Variants in NELL1 observed in about 807,000 individuals in gnomAD.
The protein encoded by NELL1 is neural EGFL like 1, also known as protein kinase C-binding protein NELL1.
NELL1 carries 76 observed loss-of-function variants against 107.4 expected under a neutral mutation model. The observed-to-expected ratio is 0.71, with a 90% CI of 0.59 to 0.86. NELL1 has a LOEUF of 0.86. Among genes scored for constraint, NELL1 ranks in the 40% least tolerant of loss-of-function variants. The pLI, the probability that NELL1 is intolerant of heterozygous loss-of-function variation, is 0.00. For missense variants in NELL1, 1,024 were observed against 1,005.5 expected (o/e 1.02, Z -0.25); for synonymous variants, 353 against 341.2 (o/e 1.03, Z -0.38).
chr11:21,359,189 G>A (rs578120073), intron 14 of NELL1, among the ~76,000 whole-genome samples: 12 of 152,238 alleles, frequency 7.9e-5, no homozygotes, highest in African/African-American at 2.9e-4. Flanking sequence ...TAATCATAAA[G>A]TCACACTGAA....
At chr11:21,358,074 A>G (rs1850979913) in intron 14 of NELL1, among the ~76,000 whole-genome samples, 1 of 152,148 alleles carries the variant, frequency 6.6e-6, no homozygotes, top group Admixed American at 6.5e-5. Flanking sequence ...GAAGTTGGGT[A>G]GTGTGATGCC....
intron 12 of NELL1, among the ~76,000 whole-genome samples, chr11:20,971,184 C>T (rs972471167): frequency 3.3e-5 from 5 of 152,056 alleles, no homozygotes; most frequent in Non-Finnish European, 5.9e-5. Flanking sequence ...TATGGCCTTA[C>T]ATTATTTTTT....
At chr11:21,526,925 T>C (rs1042131988) in intron 15 of NELL1, among the ~76,000 whole-genome samples, 20 of 152,214 alleles carry the variant, frequency 1.3e-4, no homozygotes, top group Admixed American at 1.2e-3. Flanking sequence ...AAACATTTTC[T>C]TCATTCTCTT....
At chr11:21,094,192 C>T (rs1048172310) in intron 12 of NELL1, among the ~76,000 whole-genome samples, 5 of 152,304 alleles carry the variant, frequency 3.3e-5, no homozygotes, top group Admixed American at 3.3e-4. Flanking sequence ...GTCTGAAATT[C>T]ATCAGGGCAG....
At chr11:20,992,353 G>A (rs1851994095) in intron 12 of NELL1, among the ~76,000 whole-genome samples, 1 of 152,196 alleles carries the variant, frequency 6.6e-6, no homozygotes, top group South Asian at 2.1e-4. Flanking sequence ...CAGTCTGCCA[G>A]AGGATTGAAC....
intron 3 of NELL1, among the ~76,000 whole-genome samples, chr11:20,792,933 G>A (rs988603814): frequency 1.3e-5 from 2 of 151,804 alleles, no homozygotes; most frequent in African/African-American, 4.8e-5. Flanking sequence ...AAGGCTTTTT[G>A]AATTTTTTAT....
At chr11:21,105,042 G>A (rs1464077846) in intron 12 of NELL1, among the ~76,000 whole-genome samples, 1 of 152,074 alleles carries the variant, frequency 6.6e-6, no homozygotes, top group East Asian at 1.9e-4. Flanking sequence ...TTGTGAGGTA[G>A]GGCTTCCACA....
intron 15 of NELL1, among the ~76,000 whole-genome samples, chr11:21,430,790 A>T (rs964124022): frequency 1.3e-5 from 2 of 152,164 alleles, no homozygotes; most frequent in African/African-American, 4.8e-5. Context: ...CTCCAGGAGT[A>T]TGTTTGTCCC....
chr11:20,691,411 G>A (rs183374806), intron 2 of NELL1, among the ~76,000 whole-genome samples: 6 of 151,608 alleles, frequency 4.0e-5, no homozygotes, highest in Non-Finnish European at 7.4e-5. Flanking sequence ...TATGATATTG[G>A]CTGTGGGTTT....
intron 12 of NELL1, among the ~76,000 whole-genome samples, chr11:21,039,762 T>C (rs1041080427): frequency 1.3e-5 from 2 of 152,146 alleles, no homozygotes. Flanking sequence ...AAAATTCTTA[T>C]CTAAAATGAA....
intron 15 of NELL1, among the ~76,000 whole-genome samples, chr11:21,432,055 T>C (rs1852980771): frequency 1.3e-5 from 2 of 152,158 alleles, no homozygotes; most frequent in Admixed American, 1.3e-4. Flanking sequence ...ATTATAACAG[T>C]GTATAGCATA....
intron 12 of NELL1, among the ~76,000 whole-genome samples, chr11:20,985,124 G>A (rs577734673): frequency 7.3e-4 from 111 of 152,092 alleles, no homozygotes; most frequent in African/African-American, 2.5e-3. Context: ...GATATATCTC[G>A]CCTCATTTCC....
chr11:20,984,481 C>T (rs1851812042), intron 12 of NELL1, among the ~76,000 whole-genome samples: 1 of 152,184 alleles, frequency 6.6e-6, no homozygotes, highest in African/African-American at 2.4e-5. Flanking sequence ...TAATGTAGTT[C>T]ACTACCTAGT....
intron 13 of NELL1, among the ~76,000 whole-genome samples, chr11:21,137,361 G>C (rs943479894): frequency 6.6e-6 from 1 of 152,220 alleles, no homozygotes; most frequent in Non-Finnish European, 1.5e-5. Context: ...GGCAGAAAGA[G>C]TTGGTGGTTG....
At chr11:21,406,421 AAG>A (rs1852238038) in intron 15 of NELL1, among the ~76,000 whole-genome samples, 1 of 136,504 alleles carries the variant, frequency 7.3e-6, no homozygotes, top group Non-Finnish European at 1.6e-5. Flanking sequence ...TTACCAGAAG[AAG>A]TAGATTACTG....
At position 21,081,750 on chromosome 11, in the gene NELL1, A is replaced by G. The variant is rs1038064092; in HGVS notation, c.1301-31839A>G. On this transcript the variant is annotated intron_variant, in intron 12 of 19. Coordinates refer to ENST00000357134, the MANE Select transcript of NELL1 (RefSeq NM_006157.5). Reference sequence around the variant, plus strand: ...TTAAATACCCTCCTTTCTGCTCTCCATATCTCTCCTTCTACTCATCCAATC... The same window carrying G: ...TTAAATACCCTCCTTTCTGCTCTCCGTATCTCTCCTTCTACTCATCCAATC... Among the ~76,000 whole-genome samples the G allele has an allele frequency of 4.6e-5, 7 of 152,112 alleles. No individual in the cohort carries two copies. The East Asian group carries it at 9.6e-4, about 21-fold the overall frequency.
intron 5 of NELL1, among the ~76,000 whole-genome samples, chr11:20,886,074 G>C (rs146086080): frequency 7.9e-5 from 12 of 152,266 alleles, no homozygotes; most frequent in African/African-American, 2.6e-4. Flanking sequence ...TGGACACAAA[G>C]ATGGGAGCAG....
At chr11:21,237,685 A>G (rs892734017) in intron 14 of NELL1, among the ~76,000 whole-genome samples, 1 of 152,108 alleles carries the variant, frequency 6.6e-6, no homozygotes, top group Admixed American at 6.6e-5. Context: ...CAATGATCAG[A>G]CTATAGTCTG....
chr11:20,988,206 T>A (rs1490831063), intron 12 of NELL1, among the ~76,000 whole-genome samples: 3 of 152,188 alleles, frequency 2.0e-5, no homozygotes, highest in Non-Finnish European at 4.4e-5. Context: ...AGGGATGGAC[T>A]GTACTTCATA....
Sources: gnomAD v4.1 joint callset for allele counts (sites outside exome capture counted in the v4.1 genomes callset) on GRCh38, gnomAD v4.1.1 for gene constraint, MANE v1.5 for transcripts, NCBI Gene and HGNC (gene_info 2026-07-23, HGNC 2026-07-21) for gene names.